ZNF385B: variants seen among roughly 807,000 people sequenced by gnomAD.
The protein encoded by ZNF385B is zinc finger protein 533.
A neutral mutation model predicts 39.2 loss-of-function variants in ZNF385B; 23 were observed. The ratio of observed to expected loss-of-function variants is 0.59; its 90% CI spans 0.42 to 0.83. The LOEUF is 0.83. Ranked by LOEUF, ZNF385B falls within the 40% of genes least tolerant of loss-of-function variation. The pLI, the probability that ZNF385B is intolerant of heterozygous loss-of-function variation, is 0.00. For synonymous variants in ZNF385B, 205 were observed against 222.6 expected (o/e 0.92, Z 0.70); for missense variants, 552 against 598.9 (o/e 0.92, Z 0.82).
intron 3 of ZNF385B, among the ~76,000 whole-genome samples, chr2:179,764,137 G>A (rs951637849): frequency 2.0e-5 from 3 of 152,018 alleles, no homozygotes; most frequent in Admixed American, 6.6e-5. Flanking sequence ...AGGCTCTGTT[G>A]TCTGGTGCAT....
rs956370958 is a variant in ZNF385B at position 179,528,937 on chromosome 2, G to A, written c.442-10299C>T. The stretch of plus-strand genomic sequence containing the variant: ...GTTATGCTGCTGGGTAATTTAAGAA[G>A]CCACTTCAAAGAGCTTTTCAAAAAG... On this transcript the variant is annotated intron_variant, in intron 4 of 9. Transcript: ENST00000410066. Among the ~76,000 whole-genome samples, 17 of 152,292 alleles carry A rather than the reference G, an allele frequency of 1.1e-4. No homozygotes were observed. In the East Asian group the frequency reaches 3.1e-3, roughly 28 times the overall value.
Position 179,774,108 on chromosome 2 carries a change from GTGA to G in ZNF385B, c.-154-3439_-154-3437del, listed in dbSNP as rs374306286. Among the ~76,000 whole-genome samples, 94 of 151,686 alleles carry G rather than the reference GTGA, an allele frequency of 6.2e-4. 2 individuals carry two copies. In the South Asian group the frequency reaches 0.018, roughly 30 times the overall value. ...GGGGGTGTATAGGTGTGGAGTGTGT[GTGA>G]TATGTGTGTGGTTTGTGTATGGTAT... On this transcript the variant is annotated intron_variant, in intron 1 of 9. Coordinates refer to ENST00000410066, the MANE Select transcript of ZNF385B (RefSeq NM_152520.6).
At chr2:179,823,758 C>T (rs1297292872) in intron 1 of ZNF385B, among the ~76,000 whole-genome samples, 6 of 152,154 alleles carry the variant, frequency 3.9e-5, no homozygotes, top group Non-Finnish European at 7.4e-5. Flanking sequence ...CATGACCCAA[C>T]ATCCAACTCT....
At chr2:179,655,518 T>G (rs1032796924) in intron 3 of ZNF385B, among the ~76,000 whole-genome samples, 13 of 150,076 alleles carry the variant, frequency 8.7e-5, no homozygotes, top group Non-Finnish European at 1.6e-4. Flanking sequence ...TGAACACATG[T>G]TAATAGGTTA....
intron 3 of ZNF385B, among the ~76,000 whole-genome samples, chr2:179,710,108 C>T (rs962477790): frequency 7.9e-5 from 12 of 152,068 alleles, no homozygotes; most frequent in South Asian, 2.1e-4. Context: ...GCAACGACTC[C>T]GGAGAAGATG....
intron 3 of ZNF385B, among the ~76,000 whole-genome samples, chr2:179,616,403 GGCTC>G: frequency 6.7e-6 from 1 of 149,456 alleles, no homozygotes; most frequent in South Asian, 2.1e-4. Flanking sequence ...GCACAATCTT[GGCTC>G]ACTGCAACCT....
intron 3 of ZNF385B, among the ~76,000 whole-genome samples, chr2:179,592,791 G>T (rs1212844359): frequency 6.6e-6 from 1 of 152,004 alleles, no homozygotes; most frequent in Admixed American, 6.6e-5. Context: ...GCTCATGGAA[G>T]GTTTTTGGCA....
rs1177430050 is a variant in ZNF385B at position 179,544,980 on chromosome 2, C to CAAA, written c.299-14_299-12dup. 3.1e-6 allele frequency: 5 copies of CAAA among 1,613,432 alleles called. No individual in the cohort carries two copies. The African/African-American group carries it at 5.3e-5, about 17-fold the overall frequency. Reference sequence around the variant, plus strand: ...TGTGGCATGTACTGCCTGCCAAGAACAAAACAAAAATGAATTCAATTTCTT... The same window carrying CAAA: ...TGTGGCATGTACTGCCTGCCAAGAACAAAAAAACAAAAATGAATTCAATTTCTT... On this transcript the variant is annotated splice_polypyrimidine_tract_variant and intron_variant, in intron 3 of 9. Coordinates refer to ENST00000410066, the MANE Select transcript of ZNF385B (RefSeq NM_152520.6).
chr2:179,752,400 T>A (rs1210381507), intron 3 of ZNF385B, among the ~76,000 whole-genome samples: 1 of 152,238 alleles, frequency 6.6e-6, no homozygotes, highest in East Asian at 1.9e-4. Flanking sequence ...AACATATGTG[T>A]GCATGTGCCT....
chr2:179,632,632 A>G (rs1480923190), intron 3 of ZNF385B, among the ~76,000 whole-genome samples: 1 of 152,222 alleles, frequency 6.6e-6, no homozygotes, highest in African/African-American at 2.4e-5. Flanking sequence ...TAACATCACA[A>G]TTGAAAGAAC....
chr2:179,521,224 T>C (rs930708123), intron 4 of ZNF385B, among the ~76,000 whole-genome samples: 1 of 151,928 alleles, frequency 6.6e-6, no homozygotes, highest in Non-Finnish European at 1.5e-5. Flanking sequence ...TCTTGCTCCG[T>C]GGCCCAGGCT....
intron 1 of ZNF385B, among the ~76,000 whole-genome samples, chr2:179,792,259 C>G (rs993682295): frequency 2.6e-5 from 4 of 151,746 alleles, no homozygotes; most frequent in Non-Finnish European, 5.9e-5. Context: ...CCCCACAACT[C>G]TAATTATTTT....
At chr2:179,775,160 G>A (rs1704241942) in intron 1 of ZNF385B, among the ~76,000 whole-genome samples, 1 of 152,164 alleles carries the variant, frequency 6.6e-6, no homozygotes, top group South Asian at 2.1e-4. Flanking sequence ...TAAAAGGTCA[G>A]TAGAGAGGGT....
chr2:179,828,684 A>G (rs137895959), intron 1 of ZNF385B, among the ~76,000 whole-genome samples: 1,715 of 152,314 alleles, frequency 0.011, 103 homozygotes, highest in Admixed American at 0.1. Flanking sequence ...AAAATTACGA[A>G]TCACTTCAAG....
At chr2:179,695,238 G>A (rs948833418) in intron 3 of ZNF385B, among the ~76,000 whole-genome samples, 10 of 151,764 alleles carry the variant, frequency 6.6e-5, no homozygotes, top group Non-Finnish European at 1.3e-4. Context: ...TGCTAATTAG[G>A]GTGACCATAT....
chr2:179,636,085 A>T (rs137990154), intron 3 of ZNF385B, among the ~76,000 whole-genome samples: 1 of 152,344 alleles, frequency 6.6e-6, no homozygotes, highest in African/African-American at 2.4e-5. Context: ...ATAGGTGAGA[A>T]CTTACATTTT....
chr2:179,809,517 TCA>T (rs1706602428), intron 1 of ZNF385B, among the ~76,000 whole-genome samples: 1 of 152,074 alleles, frequency 6.6e-6, no homozygotes, highest in Admixed American at 6.5e-5. Flanking sequence ...AAAATACAAG[TCA>T]CAGAGTTCTA....
chr2:179,632,609 C>A (rs1691337544), intron 3 of ZNF385B, among the ~76,000 whole-genome samples: 2 of 152,072 alleles, frequency 1.3e-5, no homozygotes, highest in African/African-American at 4.8e-5. Flanking sequence ...GGAAAGATCT[C>A]AAATTGACAC....
At chr2:179,573,786 T>C (rs1685501562) in intron 3 of ZNF385B, among the ~76,000 whole-genome samples, 1 of 152,128 alleles carries the variant, frequency 6.6e-6, no homozygotes, top group African/African-American at 2.4e-5. Context: ...ACAAGTTGTG[T>C]GTCAGCAGTG....
Sources: allele counts gnomAD v4.1 joint callset (sites outside exome capture counted in the v4.1 genomes callset), GRCh38; gene constraint gnomAD v4.1.1; transcripts MANE v1.5; gene names NCBI Gene and HGNC (gene_info 2026-07-23, HGNC 2026-07-21).